The following PATJ variants were observed in gnomAD, a reference collection of about 807,000 sequenced individuals.
PATJ encodes inaD-like protein.
PATJ carries 190 observed loss-of-function variants against 224.9 expected under a neutral mutation model. The ratio of observed to expected loss-of-function variants is 0.84; its 90% confidence interval spans 0.75 to 0.95. The LOEUF is 0.95. Among genes scored for constraint, PATJ ranks in the 40% least tolerant of loss-of-function variants. The probability of loss-of-function intolerance (pLI) is 0.00; values close to 1 mark genes in which losing one functional copy is unlikely to be tolerated. For missense variants in PATJ, 2,121 were observed against 2,270.3 expected (o/e 0.93, Z 1.34); for synonymous variants, 769 against 820.3 (o/e 0.94, Z 1.07).
At chr1:61,865,658 A>T (rs574195512) in intron 20 of PATJ, 3 of 152,340 alleles carry the variant, frequency 2.0e-5, no homozygotes, top group Middle Eastern at 6.8e-3. Flanking sequence ...AAGGACTTTA[A>T]AAAATATTTT....
intron 1 of PATJ, among the ~76,000 whole-genome samples, chr1:61,751,200 C>A (rs577803366): frequency 9.2e-5 from 14 of 151,940 alleles, no homozygotes; most frequent in African/African-American, 2.7e-4. Context: ...CGGGGTTTCA[C>A]AATGTTGGCC....
In PATJ at chr1:62,108,464, G is replaced by A. The variant is rs375549098; in HGVS notation, c.4405G>A (p.Glu1469Lys). The change falls in exon 34 of 44, where the codon GAA becomes AAA. Residue 1469 changes from glutamate to lysine, a missense_variant. By Grantham distance (56) the Glu-to-Lys change is moderately conservative. Coordinates refer to ENST00000642238, the MANE Select transcript of PATJ (RefSeq NM_001350145.3). ...LNAIVIHEVYEEGAAARDGRL... is the reference protein window; with the variant it reads ...LNAIVIHEVYKEGAAARDGRL... ...TGCTATAGTTATCCATGAAGTCTAT[G>A]AAGAAGGGGCAGCAGCCAGAGATGG... is the stretch of plus-strand genomic sequence containing the variant. 2 of 1,609,666 alleles carry A rather than the reference G, an allele frequency of 1.2e-6. No individual in the cohort carries two copies. Among genetic ancestry groups the A allele is most frequent in the Non-Finnish European group, 1.7e-6 (2 of 1,176,846 alleles).
intron 1 of PATJ, among the ~76,000 whole-genome samples, chr1:61,744,627 T>C (rs750360094): frequency 2.6e-5 from 4 of 152,314 alleles, no homozygotes; most frequent in African/African-American, 9.6e-5. Flanking sequence ...ACACAAACTT[T>C]TTCCTCTGCT....
At chr1:62,133,573 C>T (rs1558215384) in intron 41 of PATJ, among the ~76,000 whole-genome samples, 1 of 151,932 alleles carries the variant, frequency 6.6e-6, no homozygotes, top group East Asian at 1.9e-4. Flanking sequence ...AGTGAGACAC[C>T]GTCTCGAGAA....
At chr1:62,107,327 T>G in intron 33 of PATJ, among the ~76,000 whole-genome samples, 1 of 149,462 alleles carries the variant, frequency 6.7e-6, no homozygotes. Context: ...AAGGAGAAGC[T>G]GTGTCCCTCT....
intron 22 of PATJ, among the ~76,000 whole-genome samples, chr1:61,892,873 A>G (rs1055223866): frequency 1.3e-5 from 2 of 152,096 alleles, no homozygotes; most frequent in Admixed American, 6.6e-5. Flanking sequence ...TTGGTGTTGT[A>G]TGTTCTGTAG....
intron 21 of PATJ, among the ~76,000 whole-genome samples, chr1:61,880,087 G>T (rs556584526): frequency 3.3e-5 from 5 of 152,216 alleles, no homozygotes; most frequent in South Asian, 2.1e-4. Context: ...GCCTCCCAAA[G>T]TGCTGGGATT....
rs550940244 is a variant in PATJ at position 61,957,041 on chromosome 1, C to T, written c.3670+29212C>T. On this transcript the variant is annotated intron_variant, in intron 27 of 43. Transcript: ENST00000642238. ...TCATTTCCTCCCCATGAGTATGTGG[C>T]CATTAATGCACTTACAGTGCTGTGT... 1.6e-4 allele frequency among the ~76,000 whole-genome samples: 24 copies of T among 152,302 alleles called. No homozygotes were observed. The South Asian group carries it at 3.3e-3, about 21-fold the overall frequency.
intron 8 of PATJ, among the ~76,000 whole-genome samples, chr1:61,790,515 G>GTTTTTTTTT (rs377372844): frequency 1.6e-5 from 2 of 129,024 alleles, no homozygotes; most frequent in African/African-American, 2.9e-5. Flanking sequence ...TCTTTTTTTT[G>GTTTTTTTTT]TTTTTTTTTT....
chr1:61,972,086 G>A (rs969049270), intron 27 of PATJ, among the ~76,000 whole-genome samples: 1 of 152,062 alleles, frequency 6.6e-6, no homozygotes, highest in Admixed American at 6.5e-5. Context: ...TCAGATTTTG[G>A]ATTTTTTCAG....
rs150774129 is a variant in PATJ at position 61,901,149 on chromosome 1, A to G, written c.3204-133A>G. 4.1e-3 allele frequency: 1,864 copies of G among 451,486 alleles called. 33 individuals are homozygous for G. The highest frequency in any genetic ancestry group is 0.034 in the Admixed American group (770 of 22,474). The allele number at this position is 451,486 out of a possible 1,614,324, so 28.0% of individuals were successfully genotyped here. On this transcript the variant is annotated intron_variant, in intron 23 of 43. Coordinates refer to ENST00000642238, the MANE Select transcript of PATJ (RefSeq NM_001350145.3). Reference sequence around the variant, plus strand: ...AATGTTGGAACTAGGTATAATTTGTATAACATTTGTAAAAATATATTTCAA... The same window carrying G: ...AATGTTGGAACTAGGTATAATTTGTGTAACATTTGTAAAAATATATTTCAA...
At position 61,814,954 on chromosome 1, in the gene PATJ, T is replaced by C. The variant is rs1230810785; in HGVS notation, c.1683+6424T>C. On this transcript the variant is annotated intron_variant, in intron 14 of 43. Transcript: ENST00000642238. ...CTCTGTGCCAGACACTGTGCTACCA[T>C]CTGTGGGAAGCAAAATGGAAAGGGT... 2.6e-5 allele frequency among the ~76,000 whole-genome samples: 4 copies of C among 152,206 alleles called. No homozygotes were observed. The East Asian group carries it at 7.7e-4, about 29-fold the overall frequency.
chr1:61,774,221 T>C (rs1019264029), intron 6 of PATJ, among the ~76,000 whole-genome samples: 6 of 151,918 alleles, frequency 3.9e-5, no homozygotes, highest in Admixed American at 1.3e-4. Flanking sequence ...TCACAGGAGT[T>C]TGAGGCTGAC....
chr1:61,743,919 A>T (rs1644889335), intron 1 of PATJ, among the ~76,000 whole-genome samples: 2 of 151,998 alleles, frequency 1.3e-5, no homozygotes, highest in Non-Finnish European at 1.5e-5. Flanking sequence ...TTGGCAAAGT[A>T]AGTGCAGATA....
intron 30 of PATJ, among the ~76,000 whole-genome samples, chr1:62,047,355 C>G (rs1386389224): frequency 2.0e-5 from 3 of 152,248 alleles, no homozygotes; most frequent in Non-Finnish European, 4.4e-5. Flanking sequence ...CTCCTGGGTT[C>G]AAGCCATTCT....
chr1:62,092,120 G>A (rs1216872793), intron 33 of PATJ, among the ~76,000 whole-genome samples: 1 of 151,908 alleles, frequency 6.6e-6, no homozygotes, highest in Non-Finnish European at 1.5e-5. Context: ...GCTCACACCT[G>A]TAATCCCAGA....
At chr1:62,077,034 TTACTC>T (rs1385852120) in intron 31 of PATJ, among the ~76,000 whole-genome samples, 1 of 152,182 alleles carries the variant, frequency 6.6e-6, no homozygotes, top group Non-Finnish European at 1.5e-5. Flanking sequence ...TCTTATTTGA[TTACTC>T]TACCACCCTC....
chr1:61,907,559 C>G (rs1001163293), intron 24 of PATJ, among the ~76,000 whole-genome samples: 10 of 152,200 alleles, frequency 6.6e-5, no homozygotes, highest in African/African-American at 2.2e-4. Context: ...ATCATTATTG[C>G]TGTAATATTT....
At chr1:62,038,963 G>C (rs781011684) in intron 30 of PATJ, 3 of 1,368,576 alleles carry the variant, frequency 2.2e-6, no homozygotes, top group Non-Finnish European at 3.1e-6. Context: ...GAGCATGCTG[G>C]AGTGATATCT....
Sources: gnomAD v4.1 joint callset for allele counts (sites outside exome capture counted in the v4.1 genomes callset) on GRCh38, gnomAD v4.1.1 for gene constraint, MANE v1.5 for transcripts, NCBI Gene and HGNC (gene_info 2026-07-23, HGNC 2026-07-21) for gene names.